PTGES3: variants seen among roughly 807,000 people sequenced by gnomAD.
PTGES3 encodes the protein Hsp90 co-chaperone.
Under a neutral mutation model 29.9 loss-of-function variants are expected in PTGES3, and 5 were observed. That is an observed-to-expected ratio of 0.17 (90% confidence interval 0.09 to 0.35). The LOEUF (loss-of-function observed/expected upper bound fraction) is 0.35. Ranked by LOEUF, PTGES3 falls within the 10% of genes least tolerant of loss-of-function variation. The pLI is 1.00. For missense variants in PTGES3, 128 were observed against 190.0 expected (o/e 0.67, Z 1.92); for synonymous variants, 49 against 57.8 (o/e 0.85, Z 0.69).
At chr12:56,682,483 C>T (rs1390257982) in intron 1 of PTGES3, among the ~76,000 whole-genome samples, 1 of 151,836 alleles carries the variant, frequency 6.6e-6, no homozygotes, top group Non-Finnish European at 1.5e-5. Context: ...ATGGCTTGAT[C>T]CCAAGTTTGA....
Position 56,688,130 on chromosome 12 carries a change from T to C in PTGES3, c.-131A>G. 1 of 1,399,718 alleles carries C rather than the reference T, an allele frequency of 7.1e-7. No individual in the cohort carries two copies. Among genetic ancestry groups the C allele is most frequent in the Non-Finnish European group, 9.3e-7 (1 of 1,077,996 alleles). 86.7% of individuals were successfully genotyped at this position (1,399,718 alleles called of 1,614,324 possible). Reference sequence around the variant, plus strand: ...CGGTCGCGGCCTCTTCTCGCTTCCCTCAGGCGACGGCGGCAGCGGCGGGCT... The same window carrying C: ...CGGTCGCGGCCTCTTCTCGCTTCCCCCAGGCGACGGCGGCAGCGGCGGGCT... On this transcript the variant is annotated 5_prime_UTR_variant, in exon 1 of 8. Transcript: ENST00000262033.
intron 5 of PTGES3, among the ~76,000 whole-genome samples, chr12:56,669,758 C>A (rs1468066871): frequency 6.6e-6 from 1 of 151,916 alleles, no homozygotes; most frequent in South Asian, 2.1e-4. Flanking sequence ...CACAGGTGCG[C>A]GCCACCATGC....
intron 4 of PTGES3, 23 bp from the exon 5 acceptor site, chr12:56,670,387 C>A (rs1429363923): frequency 9.8e-6 from 15 of 1,534,116 alleles, no homozygotes; most frequent in Non-Finnish European, 1.3e-5. Context: ...ACAAATATCA[C>A]CCTAAGATTA....
chr12:56,684,321 T>C (rs1001353258), intron 1 of PTGES3, among the ~76,000 whole-genome samples: 1 of 152,206 alleles, frequency 6.6e-6, no homozygotes, highest in African/African-American at 2.4e-5. Flanking sequence ...TACTGCCTTC[T>C]AGTTAAAGTC....
chr12:56,666,223 T>G lies in PTGES3; in HGVS notation c.419A>C (p.Glu140Ala), dbSNP rs773158838. 7.4e-6 allele frequency: 12 copies of G among 1,611,068 alleles called. No individual in the cohort carries two copies. Among genetic ancestry groups the G allele is most frequent in the Non-Finnish European group, 1.0e-5 (12 of 1,178,422 alleles). ...ACTTACATCATCTGCTCCATCTACT[T>G]CTGGTAAATCTACATCCTCATCACC... Reference protein sequence around the residue: ...MGGDEDVDLPEVDGADDDSQD... With the variant: ...MGGDEDVDLPAVDGADDDSQD... Residue 140 changes from glutamate to alanine, a missense_variant, in exon 6 of 8, where the codon GAA becomes GCA. Glu to Ala is a moderately radical substitution (Grantham distance 107). Coordinates refer to ENST00000262033, the MANE Select transcript of PTGES3 (RefSeq NM_006601.7).
intron 1 of PTGES3, among the ~76,000 whole-genome samples, chr12:56,676,801 T>C (rs888401911): frequency 3.3e-5 from 5 of 151,456 alleles, no homozygotes; most frequent in Non-Finnish European, 5.9e-5. Context: ...CGCGCTCCTA[T>C]AGTCCCAGCT....
Position 56,685,724 on chromosome 12 carries a change from A to C in PTGES3, c.2+2274T>G, listed in dbSNP as rs1439546765. 2.1e-5 allele frequency among the ~76,000 whole-genome samples: 3 copies of C among 141,430 alleles called. No individual in the cohort carries two copies. The Admixed American group carries it at 2.2e-4, about 10-fold the overall frequency. The allele number at this position is 141,430 out of a possible 152,430, so 92.8% of individuals were successfully genotyped here. ...ATGAAAGTAGCATTTTTATTTTTTA[A>C]CTAGAGAGGCTACTTTTTGGAATAG... is the stretch of plus-strand genomic sequence containing the variant. On this transcript the variant is annotated intron_variant, in intron 1 of 7. Coordinates refer to ENST00000262033, the MANE Select transcript of PTGES3 (RefSeq NM_006601.7).
intron 1 of PTGES3, among the ~76,000 whole-genome samples, chr12:56,684,217 A>G (rs2137727392): frequency 6.6e-6 from 1 of 152,316 alleles, no homozygotes; most frequent in Non-Finnish European, 1.5e-5. Flanking sequence ...TAGCTTGTAG[A>G]TTTTTAAACC....
In PTGES3 at chr12:56,671,773, T is replaced by C. The variant is rs768397782; in HGVS notation, c.261A>G (p.Pro87=). The change falls in exon 4 of 8, where the codon CCA becomes CCG. Residue 87 remains proline, a synonymous_variant. Transcript: ENST00000262033. ...CCTTTGCCCTTTCTTTTGTTAACCT[T>C]GGCCATGACTGGCCAGATTCTCCTT... is the stretch of plus-strand genomic sequence containing the variant. ...LRKGESGQSW[P]RLTKERAKLN... 2 of 1,563,170 alleles carry C rather than the reference T, an allele frequency of 1.3e-6. No homozygotes were observed. Among genetic ancestry groups the C allele is most frequent in the Non-Finnish European group, 1.7e-6 (2 of 1,154,664 alleles).
chr12:56,688,094 C>T lies in PTGES3; in HGVS notation c.-95G>A. On this transcript the variant is annotated 5_prime_UTR_variant, in exon 1 of 8. Transcript: ENST00000262033. ...CGACTTCTCTCCGGTGGCGACTCCG[C>T]TTTTTCTCTCCGGTCGCGGCCTCTT... 4 of 1,437,210 alleles carry T rather than the reference C, an allele frequency of 2.8e-6. No individual in the cohort carries two copies. Among genetic ancestry groups the T allele is most frequent in the Non-Finnish European group, 3.7e-6 (4 of 1,095,624 alleles). 89.0% of individuals were successfully genotyped at this position (1,437,210 alleles called of 1,614,324 possible). A position where few individuals can be genotyped will look rare whatever the true frequency, so the allele number is the denominator to read the frequency against.
chr12:56,666,031 A>G (rs1951771070), intron 6 of PTGES3, 173 bp downstream of exon 6: 7 of 1,382,598 alleles, frequency 5.1e-6, no homozygotes, highest in South Asian at 1.7e-5. Context: ...CAGTTCCCTA[A>G]TAGATACCCC....
chr12:56,668,688 T>C (rs1188364363), intron 5 of PTGES3, among the ~76,000 whole-genome samples: 1 of 152,232 alleles, frequency 6.6e-6, no homozygotes, highest in African/African-American at 2.4e-5. Flanking sequence ...TGTGGAGAAC[T>C]GTTAAATAAG....
At chr12:56,683,957 C>CAAAAA (rs11386164) in intron 1 of PTGES3, among the ~76,000 whole-genome samples, 1 of 109,322 alleles carries the variant, frequency 9.1e-6, no homozygotes, top group Non-Finnish European at 1.7e-5. Flanking sequence ...AACTCCGTCT[C>CAAAAA]AAAAAAAAAA....
intron 4 of PTGES3, among the ~76,000 whole-genome samples, chr12:56,671,068 C>T (rs1265121140): frequency 2.0e-5 from 3 of 152,048 alleles, no homozygotes; most frequent in Non-Finnish European, 4.4e-5. Context: ...CATGTTCACA[C>T]CAGTGCACTC....
intron 1 of PTGES3, among the ~76,000 whole-genome samples, chr12:56,674,029 G>A (rs1324310344): frequency 6.6e-6 from 1 of 152,060 alleles, no homozygotes; most frequent in Admixed American, 6.6e-5. Flanking sequence ...TAAGTTCACT[G>A]AAACCAGGAG....
chr12:56,682,609 C>T (rs1364595968), intron 1 of PTGES3, among the ~76,000 whole-genome samples: 1 of 151,344 alleles, frequency 6.6e-6, no homozygotes, highest in African/African-American at 2.4e-5. Context: ...TACCAAGGAT[C>T]GGGTGCAGCA....
chr12:56,666,378 A>C, intron 5 of PTGES3, 112 bp from the exon 6 acceptor site: 1 of 1,296,428 alleles, frequency 7.7e-7, no homozygotes, highest in Non-Finnish European at 1.0e-6. Flanking sequence ...CAAAAAATGC[A>C]AAATGCAAAT....
At chr12:56,687,388 CTG>C in intron 1 of PTGES3, 1 of 987,532 alleles carries the variant, frequency 1.0e-6, no homozygotes, top group Non-Finnish European at 1.2e-6. Context: ...TTTCAAGAGA[CTG>C]GAGTTAGGAG....
intron 6 of PTGES3, chr12:56,665,275 A>G: frequency 2.2e-5 from 21 of 960,054 alleles, no homozygotes; most frequent in Non-Finnish European, 2.6e-5. Context: ...ACAGATTTCC[A>G]ATGTCCATCT....
Sources: allele counts gnomAD v4.1 joint callset (sites outside exome capture counted in the v4.1 genomes callset), GRCh38; gene constraint gnomAD v4.1.1; transcripts MANE v1.5; gene names NCBI Gene and HGNC (gene_info 2026-07-23, HGNC 2026-07-21).